The following SESTD1 variants were observed in gnomAD, a reference collection of about 807,000 sequenced individuals.
SESTD1 encodes SEC14 domain and spectrin repeat-containing protein 1.
A neutral mutation model predicts 101.7 loss-of-function variants in SESTD1; 43 were observed. The ratio of observed to expected loss-of-function variants is 0.42; its 90% confidence interval spans 0.33 to 0.55. The LOEUF is 0.55. Among genes scored for constraint, SESTD1 ranks in the 20% least tolerant of loss-of-function variants. SESTD1 has a pLI of 0.07. For synonymous variants in SESTD1, 283 were observed against 286.8 expected (o/e 0.99, Z 0.13); for missense variants, 647 against 815.1 (o/e 0.79, Z 2.51).
intron 1 of SESTD1, among the ~76,000 whole-genome samples, chr2:179,210,688 G>A (rs2046639466): frequency 7.4e-6 from 1 of 134,512 alleles, no homozygotes; most frequent in South Asian, 2.8e-4. Context: ...ATATCTTAAG[G>A]TAATAAAAGC....
rs1574028176 is a variant in SESTD1 at position 179,197,339 on chromosome 2, T to A, written c.-25-5473A>T. 2.0e-5 allele frequency among the ~76,000 whole-genome samples: 3 copies of A among 150,662 alleles called. 1 individual carries two copies. In the South Asian group the frequency reaches 6.3e-4, roughly 32 times the overall value. On this transcript the variant is annotated intron_variant, in intron 1 of 17. Transcript: ENST00000428443. ...AGACCAAATCTACATCTCACTGGAG[T>A]ACCTGAAAGTGATGGGGAGAATGGA...
chr2:179,127,833 A>G (rs1196990448), intron 10 of SESTD1, among the ~76,000 whole-genome samples: 1 of 150,940 alleles, frequency 6.6e-6, no homozygotes, highest in Non-Finnish European at 1.5e-5. Flanking sequence ...AATGGTTAAC[A>G]GAGACTATTT....
At chr2:179,184,972 A>G (rs888128687) in intron 2 of SESTD1, among the ~76,000 whole-genome samples, 1 of 152,204 alleles carries the variant, frequency 6.6e-6, no homozygotes, top group Non-Finnish European at 1.5e-5. Flanking sequence ...TTATGGTCAA[A>G]AGCATCAAAT....
chr2:179,159,724 C>A (rs922074820), intron 5 of SESTD1, among the ~76,000 whole-genome samples: 2 of 152,040 alleles, frequency 1.3e-5, no homozygotes, highest in Non-Finnish European at 2.9e-5. Context: ...CTTGAAGAGA[C>A]CACTAATTTC....
chr2:179,179,295 A>G (rs994005806), intron 3 of SESTD1, among the ~76,000 whole-genome samples: 2 of 152,168 alleles, frequency 1.3e-5, no homozygotes, highest in Non-Finnish European at 2.9e-5. Flanking sequence ...ATACTTTAAG[A>G]ACAGTAATAG....
At chr2:179,131,148 G>GACAATTCCAAATCT (rs1559104493) in intron 10 of SESTD1, among the ~76,000 whole-genome samples, 9 of 152,134 alleles carry the variant, frequency 5.9e-5, no homozygotes, top group African/African-American at 2.2e-4. Flanking sequence ...AACTGCTTTA[G>GACAATTCCAAATCT]GGTATAGTAG....
At position 179,169,585 on chromosome 2, in the gene SESTD1, A is replaced by G. The variant is rs1282351374; in HGVS notation, c.369+2535T>C. On this transcript the variant is annotated intron_variant, in intron 5 of 17. Transcript: ENST00000428443. The stretch of plus-strand genomic sequence containing the variant: ...GAAGACCTGAAAAACATTAAGAATC[A>G]TCTTGACAGTTACAGAACACTCCAT... 2.6e-5 allele frequency among the ~76,000 whole-genome samples: 4 copies of G among 152,186 alleles called. No individual in the cohort carries two copies. The East Asian group carries it at 7.7e-4, about 29-fold the overall frequency.
intron 1 of SESTD1, among the ~76,000 whole-genome samples, chr2:179,241,476 T>C (rs770989015): frequency 2.6e-5 from 4 of 152,090 alleles, no homozygotes; most frequent in Non-Finnish European, 4.4e-5. Flanking sequence ...TGGAATCTTA[T>C]CTACAAGAGA....
At position 179,260,631 on chromosome 2, in the gene SESTD1, G is replaced by A. The variant is rs12328901; in HGVS notation, c.-26+3868C>T. ...ATATTTTAAACTGTTCCAGAGCACA[G>A]AAAAAAGTGAAAAGTTTCCTAATCA... On this transcript the variant is annotated intron_variant, in intron 1 of 17. Coordinates refer to ENST00000428443, the MANE Select transcript of SESTD1 (RefSeq NM_178123.5). 6.7e-4 allele frequency among the ~76,000 whole-genome samples: 102 copies of A among 152,296 alleles called. 1 individual carries two copies. The highest frequency in any genetic ancestry group is 2.3e-3 in the African/African-American group (96 of 41,560).
intron 1 of SESTD1, among the ~76,000 whole-genome samples, chr2:179,259,354 C>CT (rs1309802834): frequency 9.9e-5 from 15 of 152,260 alleles, no homozygotes; most frequent in African/African-American, 3.6e-4. Context: ...CCTCAGCCTC[C>CT]TGAGTAGCTG....
intron 1 of SESTD1, among the ~76,000 whole-genome samples, chr2:179,216,110 C>G (rs1215577965): frequency 7.4e-6 from 1 of 134,978 alleles, no homozygotes. Context: ...CACTCCTATT[C>G]AACACAGCGT....
chr2:179,117,786 T>C (rs2044665934), intron 13 of SESTD1, among the ~76,000 whole-genome samples, 173 bp from the exon 14 acceptor site: 1 of 152,238 alleles, frequency 6.6e-6, no homozygotes, highest in Non-Finnish European at 1.5e-5. Flanking sequence ...TTTATATCAA[T>C]GTTACATCAA....
chr2:179,141,987 T>C (rs2045289463), intron 9 of SESTD1, among the ~76,000 whole-genome samples: 1 of 152,238 alleles, frequency 6.6e-6, no homozygotes, highest in Non-Finnish European at 1.5e-5. Context: ...ACATCTTCCA[T>C]GATCCAACTC....
intron 1 of SESTD1, among the ~76,000 whole-genome samples, chr2:179,202,142 C>G (rs2046527147): frequency 7.5e-6 from 1 of 132,952 alleles, no homozygotes; most frequent in Non-Finnish European, 1.6e-5. Flanking sequence ...CATGTTAAAA[C>G]AAGGTTTTCT....
chr2:179,133,753 T>C (rs2105429899), intron 9 of SESTD1, among the ~76,000 whole-genome samples: 1 of 152,262 alleles, frequency 6.6e-6, no homozygotes, highest in South Asian at 2.1e-4. Context: ...TAAAAAAATA[T>C]ATTTCTAAAT....
intron 5 of SESTD1, among the ~76,000 whole-genome samples, chr2:179,166,675 G>A (rs1226460055): frequency 6.6e-6 from 1 of 152,132 alleles, no homozygotes; most frequent in African/African-American, 2.4e-5. Context: ...AGAGTCAACT[G>A]TATACAGAAA....
intron 10 of SESTD1, among the ~76,000 whole-genome samples, chr2:179,127,156 C>T (rs1420999898): frequency 6.6e-6 from 1 of 152,200 alleles, no homozygotes; most frequent in Non-Finnish European, 1.5e-5. Flanking sequence ...CTCTCCTTTG[C>T]TCCCTGTACT....
At chr2:179,246,897 T>A (rs1352921829) in intron 1 of SESTD1, among the ~76,000 whole-genome samples, 1 of 152,160 alleles carries the variant, frequency 6.6e-6, no homozygotes, top group African/African-American at 2.4e-5. Context: ...TAAAAACTTG[T>A]TGGAAAGATC....
intron 1 of SESTD1, among the ~76,000 whole-genome samples, chr2:179,207,817 C>T (rs1456341916): frequency 7.5e-6 from 1 of 134,108 alleles, no homozygotes; most frequent in Non-Finnish European, 1.6e-5. Context: ...AAATGAGGTT[C>T]TATAACACCC....
Sources: gnomAD v4.1 joint callset for allele counts (sites outside exome capture counted in the v4.1 genomes callset) on GRCh38, gnomAD v4.1.1 for gene constraint, MANE v1.5 for transcripts, NCBI Gene and HGNC (gene_info 2026-07-23, HGNC 2026-07-21) for gene names.